DMD: variants seen among roughly 807,000 people sequenced by gnomAD.
DMD encodes the protein mutant dystrophin.
A neutral mutation model predicts 330.1 loss-of-function variants in DMD; 63 were observed. The observed-to-expected ratio is 0.19, with a 90% CI of 0.16 to 0.24. DMD has a LOEUF of 0.24. DMD is among the 10% of genes least tolerant of loss of function. DMD has a pLI of 1.00. For synonymous variants in DMD, 1,223 were observed against 959.8 expected, an observed-to-expected ratio of 1.27 and a Z score of -5.07; for missense variants, 3,344 against 2,684.1, an observed-to-expected ratio of 1.25 and a Z score of -5.43.
At chrX:32,756,067 A>T (rs909344348) in intron 7 of DMD, 2 of 112,535 alleles carry the variant, frequency 1.8e-5, no homozygotes, top group Admixed American at 1.9e-4. Context: ...GTTATTGAAT[A>T]CATTTATTTT....
intron 9 of DMD, among the ~76,000 whole-genome samples, chrX:32,649,142 G>T (rs1197624514): frequency 9.3e-6 from 1 of 107,332 alleles, no homozygotes; most frequent in African/African-American, 3.4e-5. Flanking sequence ...CCCCAAAATT[G>T]AGTACACTCA....
At chrX:32,763,960 C>T (rs1393994226) in intron 7 of DMD, among the ~76,000 whole-genome samples, 1 of 111,565 alleles carries the variant, frequency 9.0e-6, no homozygotes, top group Non-Finnish European at 1.9e-5. Context: ...CACACAACAA[C>T]AGTATGCTAT....
chrX:32,776,290 C>CG (rs1019708437), intron 7 of DMD, among the ~76,000 whole-genome samples: 2 of 108,952 alleles, frequency 1.8e-5, no homozygotes, highest in South Asian at 4.2e-4. Flanking sequence ...TGACCCCCCC[C>CG]CCAAATTGTT....
intron 57 of DMD, among the ~76,000 whole-genome samples, chrX:31,481,193 CCTCT>C (rs1263210323): frequency 8.9e-6 from 1 of 112,313 alleles, no homozygotes; most frequent in Admixed American, 9.4e-5. Context: ...TGAAGCTCTG[CCTCT>C]CTATGATCAC....
chrX:31,246,151 T>C (rs1404875470), intron 63 of DMD, among the ~76,000 whole-genome samples: 2 of 112,183 alleles, frequency 1.8e-5, no homozygotes, highest in Admixed American at 9.4e-5. Context: ...AAAGTTTGAG[T>C]GCTCTGAATA....
At chrX:31,311,433 A>C (rs952118657) in intron 62 of DMD, among the ~76,000 whole-genome samples, 5 of 111,715 alleles carry the variant, frequency 4.5e-5, no homozygotes, top group African/African-American at 1.6e-4. Flanking sequence ...CATACTCTCT[A>C]TCTTAGGGAA....
At chrX:31,871,085 G>T (rs2093882719) in intron 48 of DMD, among the ~76,000 whole-genome samples, 1 of 111,227 alleles carries the variant, frequency 9.0e-6, no homozygotes, top group Non-Finnish European at 1.9e-5. Flanking sequence ...TCTGAAATCT[G>T]AAATCAACAT....
chrX:31,749,228 GGC>G (rs2088175483), intron 51 of DMD, among the ~76,000 whole-genome samples: 1 of 106,942 alleles, frequency 9.4e-6, no homozygotes, highest in Admixed American at 1.0e-4. Flanking sequence ...GTGCCATGCT[GGC>G]ACGCTGCACC....
At chrX:31,415,068 G>C (rs1436051539) in intron 60 of DMD, among the ~76,000 whole-genome samples, 1 of 112,099 alleles carries the variant, frequency 8.9e-6, no homozygotes, top group Non-Finnish European at 1.9e-5. Context: ...CACTCTTTAA[G>C]AGAAACAGTT....
chrX:33,092,029 A>G (rs1265606808), intron 1 of DMD, among the ~76,000 whole-genome samples: 2 of 111,700 alleles, frequency 1.8e-5, no homozygotes, highest in African/African-American at 6.5e-5. Flanking sequence ...GATTTTTTTA[A>G]GAAGATGAAG....
chrX:32,303,965 G>T (rs781475003), intron 42 of DMD, among the ~76,000 whole-genome samples: 1 of 111,164 alleles, frequency 9.0e-6, no homozygotes, highest in East Asian at 2.8e-4. Context: ...AAGTTAAAAA[G>T]TTATTTTTGG....
chrX:32,035,181 G>T (rs2095932255), intron 44 of DMD, among the ~76,000 whole-genome samples: 1 of 111,187 alleles, frequency 9.0e-6, no homozygotes, highest in Admixed American at 9.6e-5. Context: ...TCAAAATTCT[G>T]AAATACAATT....
intron 4 of DMD, among the ~76,000 whole-genome samples, chrX:32,835,290 G>A (rs2079519659): frequency 9.0e-6 from 1 of 111,707 alleles, no homozygotes; most frequent in Non-Finnish European, 1.9e-5. Context: ...ATCCTAGCTG[G>A]GATTTGCTTT....
At chrX:32,384,282 C>T (rs904571924) in intron 33 of DMD, among the ~76,000 whole-genome samples, 1 of 109,718 alleles carries the variant, frequency 9.1e-6, no homozygotes, top group African/African-American at 3.3e-5. Flanking sequence ...TGATAAGCAC[C>T]GGAATAAGGT....
chrX:32,636,402 A>C (rs2059097604), intron 11 of DMD, among the ~76,000 whole-genome samples: 1 of 112,042 alleles, frequency 8.9e-6, no homozygotes, highest in Non-Finnish European at 1.9e-5. Context: ...AAATGAAGGA[A>C]AATGTTCCAG....
At chrX:32,514,235 G>GAAA (rs35838995) in intron 18 of DMD, among the ~76,000 whole-genome samples, 2,091 of 77,198 alleles carry the variant, frequency 0.027, 39 homozygotes, top group Non-Finnish European at 0.036. Context: ...AAGGCAGGTG[G>GAAA]AAAAAAAAAA....
chrX:33,078,291 G>C (rs2094875775), intron 1 of DMD, among the ~76,000 whole-genome samples: 2 of 112,037 alleles, frequency 1.8e-5, no homozygotes, highest in African/African-American at 6.5e-5. Flanking sequence ...TTCTTTAAAG[G>C]AAGCATGCCA....
At chrX:32,785,574 T>G (rs2075280482) in intron 7 of DMD, among the ~76,000 whole-genome samples, 1 of 111,653 alleles carries the variant, frequency 9.0e-6, no homozygotes, top group Non-Finnish European at 1.9e-5. Flanking sequence ...CTGTTTATGA[T>G]GAATGCAAAG....
At chrX:32,868,822 G>A (rs1275906148) in intron 2 of DMD, among the ~76,000 whole-genome samples, 2 of 112,196 alleles carry the variant, frequency 1.8e-5, no homozygotes, top group Non-Finnish European at 3.8e-5. Flanking sequence ...TCTTTACCCT[G>A]CTGGCTCTAA....
Sources: allele counts gnomAD v4.1 joint callset (sites outside exome capture counted in the v4.1 genomes callset), GRCh38; gene constraint gnomAD v4.1.1; transcripts MANE v1.5; gene names NCBI Gene and HGNC (gene_info 2026-07-23, HGNC 2026-07-21).